The following EHBP1 variants were observed in gnomAD, a reference collection of about 807,000 sequenced individuals.
EHBP1 encodes the protein EH domain-binding protein 1.
A neutral mutation model predicts 144.0 loss-of-function variants in EHBP1; 55 were observed. That is an observed-to-expected ratio of 0.38 (90% CI 0.31 to 0.48). The LOEUF is 0.48. Among genes scored for constraint, EHBP1 ranks in the 20% least tolerant of loss-of-function variants. EHBP1 has a pLI of 0.98. For synonymous variants in EHBP1, 469 were observed against 472.7 expected (o/e 0.99, Z 0.10); for missense variants, 1,200 against 1,364.2 (o/e 0.88, Z 1.90).
upstream of EHBP1, among the ~76,000 whole-genome samples, chr2:62,702,067 A>G (rs1345641521): frequency 2.6e-5 from 4 of 152,206 alleles, no homozygotes; most frequent in Admixed American, 6.5e-5. Context: ...CTATGGTTGC[A>G]TTTCATAGTC....
chr2:62,675,890 C>T (rs1196894619), intron 1 of EHBP1, among the ~76,000 whole-genome samples: 1 of 152,140 alleles, frequency 6.6e-6, no homozygotes, highest in Admixed American at 6.6e-5. Flanking sequence ...GTATCTGGAA[C>T]CACAGGTGCG....
intron 21 of EHBP1, among the ~76,000 whole-genome samples, chr2:63,042,922 A>G (rs1444080125): frequency 6.6e-6 from 1 of 152,032 alleles, no homozygotes; most frequent in Non-Finnish European, 1.5e-5. Context: ...TCAATTGTAA[A>G]GCTGTTAGCA....
chr2:62,692,673 A>G (rs1335124620), intron 1 of EHBP1, among the ~76,000 whole-genome samples: 1 of 152,132 alleles, frequency 6.6e-6, no homozygotes, highest in Non-Finnish European at 1.5e-5. Context: ...ATTTATATGT[A>G]TATCATCTTC....
chr2:62,827,989 A>G (rs1366388399), intron 6 of EHBP1, among the ~76,000 whole-genome samples: 1 of 152,178 alleles, frequency 6.6e-6, no homozygotes, highest in African/African-American at 2.4e-5. Context: ...TATTTTAAGA[A>G]TGACATTTTG....
intron 5 of EHBP1, among the ~76,000 whole-genome samples, chr2:62,803,844 A>G (rs547795899): frequency 6.6e-6 from 1 of 152,338 alleles, no homozygotes; most frequent in East Asian, 1.9e-4. Flanking sequence ...TACAAGTTGT[A>G]GAGCCAGATT....
At chr2:63,004,599 A>C (rs1236918804) in intron 19 of EHBP1, among the ~76,000 whole-genome samples, 1 of 152,118 alleles carries the variant, frequency 6.6e-6, no homozygotes, top group East Asian at 1.9e-4. Context: ...TAATAACTTC[A>C]ATAAAATAAG....
rs1184828820 is a variant in EHBP1 at position 62,836,461 on chromosome 2, C to A, written c.634+5303C>A. The stretch of plus-strand genomic sequence containing the variant: ...TCTCCTCCTCCAAAGGAACGCAGTT[C>A]CTCACCAGCAACGGAACAAAGCTGG... On this transcript the variant is annotated intron_variant, in intron 7 of 22. Transcript: ENST00000431489. 8.2e-4 allele frequency among the ~76,000 whole-genome samples: 116 copies of A among 140,972 alleles called. 1 individual carries two copies. The highest frequency in any genetic ancestry group is 2.9e-3 in the African/African-American group (111 of 37,704). 92.5% of individuals were successfully genotyped at this position (140,972 alleles called of 152,430 possible).
intron 4 of EHBP1, among the ~76,000 whole-genome samples, chr2:62,766,553 C>A (rs889751399): frequency 1.3e-5 from 2 of 152,086 alleles, no homozygotes; most frequent in Non-Finnish European, 2.9e-5. Flanking sequence ...TCTCTTGATA[C>A]CTCCATTCCT....
intron 10 of EHBP1, among the ~76,000 whole-genome samples, chr2:62,893,463 G>A (rs1220591956): frequency 6.6e-6 from 1 of 152,030 alleles, no homozygotes; most frequent in Admixed American, 6.5e-5. Flanking sequence ...GTTCAGTAGT[G>A]CTCATTACTA....
chr2:62,819,771 CAAAA>C (rs538451712), intron 5 of EHBP1, among the ~76,000 whole-genome samples: 12 of 122,336 alleles, frequency 9.8e-5, no homozygotes, highest in African/African-American at 3.9e-4. Context: ...CTCAAAAAAA[CAAAA>C]AAAAAAAAAC....
At chr2:62,840,303 T>A (rs1257185549) in intron 7 of EHBP1, among the ~76,000 whole-genome samples, 1 of 143,742 alleles carries the variant, frequency 7.0e-6, no homozygotes, top group Non-Finnish European at 1.5e-5. Context: ...AAGCTGAAAC[T>A]GGATCCCTTC....
At chr2:62,911,857 G>A (rs1309931691) in intron 10 of EHBP1, among the ~76,000 whole-genome samples, 1 of 152,158 alleles carries the variant, frequency 6.6e-6, no homozygotes, top group Non-Finnish European at 1.5e-5. Flanking sequence ...AGATTTGTCT[G>A]TGTAATGTAT....
intron 10 of EHBP1, chr2:62,939,796 A>G (rs1430845447): frequency 6.2e-6 from 1 of 161,274 alleles, no homozygotes; most frequent in Non-Finnish European, 1.3e-5. Flanking sequence ...GCGATATCCA[A>G]GGAACAACAA....
chr2:62,953,437 A>G (rs1265246671), intron 13 of EHBP1, among the ~76,000 whole-genome samples: 3 of 151,812 alleles, frequency 2.0e-5, no homozygotes, highest in African/African-American at 7.3e-5. Flanking sequence ...TAATCCCAGT[A>G]CTTTGGGAGG....
intron 7 of EHBP1, among the ~76,000 whole-genome samples, chr2:62,835,305 C>T (rs1034542640): frequency 2.6e-5 from 4 of 152,032 alleles, no homozygotes; most frequent in Admixed American, 2.6e-4. Flanking sequence ...TTTTTCCACC[C>T]ATCCCTTACA....
intron 19 of EHBP1, among the ~76,000 whole-genome samples, chr2:63,026,340 G>GTGTC (rs1245178284): frequency 7.2e-6 from 1 of 139,210 alleles, no homozygotes; most frequent in East Asian, 2.0e-4. Flanking sequence ...GTGTGTGTGT[G>GTGTC]TGTGTCTGTG....
intron 5 of EHBP1, among the ~76,000 whole-genome samples, chr2:62,792,397 G>T (rs927459257): frequency 6.6e-6 from 1 of 151,994 alleles, no homozygotes; most frequent in South Asian, 2.1e-4. Flanking sequence ...CCCAGAGTCA[G>T]ATGTATTAGT....
chr2:62,746,750 A>G (rs1343922447), intron 2 of EHBP1, among the ~76,000 whole-genome samples: 1 of 152,074 alleles, frequency 6.6e-6, no homozygotes, highest in Non-Finnish European at 1.5e-5. Flanking sequence ...ACTTTATATT[A>G]GTGGAAGATA....
At chr2:62,879,123 T>C (rs896118085) in intron 10 of EHBP1, among the ~76,000 whole-genome samples, 2 of 151,824 alleles carry the variant, frequency 1.3e-5, no homozygotes, top group Non-Finnish European at 2.9e-5. Flanking sequence ...ACAAACTAGG[T>C]ATTAAAGGAA....
Sources: gnomAD v4.1 joint callset for allele counts (sites outside exome capture counted in the v4.1 genomes callset) on GRCh38, gnomAD v4.1.1 for gene constraint, MANE v1.5 for transcripts, NCBI Gene and HGNC (gene_info 2026-07-23, HGNC 2026-07-21) for gene names.